Variants in ARHGAP11A observed in about 807,000 individuals in gnomAD.
ARHGAP11A encodes the protein Rho GTPase activating protein 11A.
ARHGAP11A carries 36 observed loss-of-function variants against 60.5 expected under a neutral mutation model. That is an observed-to-expected ratio of 0.59 (90% CI 0.46 to 0.79). The LOEUF (loss-of-function observed/expected upper bound fraction) is 0.79. Among genes scored for constraint, ARHGAP11A ranks in the 30% least tolerant of loss-of-function variants. The probability of loss-of-function intolerance (pLI) is 0.00; values close to 1 mark genes in which losing one functional copy is unlikely to be tolerated. For synonymous variants in ARHGAP11A, 362 were observed against 415.5 expected (o/e 0.87, Z 1.57); for missense variants, 1,071 against 1,199.2 (o/e 0.89, Z 1.58).
At chr15:32,626,405 C>T (rs1384009249) in intron 6 of ARHGAP11A, among the ~76,000 whole-genome samples, 1 of 152,154 alleles carries the variant, frequency 6.6e-6, no homozygotes, top group Non-Finnish European at 1.5e-5. Flanking sequence ...AACTTGCAAT[C>T]TCCTTGATCA....
At position 32,638,786 on chromosome 15, in the gene ARHGAP11A, T is replaced by G. The variant is rs878874589; in HGVS notation, c.*941T>G. The G allele has an allele frequency of 2.0e-5, 3 of 152,666 alleles. No homozygotes were observed. The South Asian group carries it at 6.2e-4, about 32-fold the overall frequency. The allele number at this position is 152,666 out of a possible 1,614,324, so 9.5% of individuals were successfully genotyped here. On this transcript the variant is annotated 3_prime_UTR_variant, in exon 12 of 12. Coordinates refer to ENST00000361627, the MANE Select transcript of ARHGAP11A (RefSeq NM_014783.6). ...ATAATTGATAACTTTTAAGCCATAC[T>G]ATGTTTTTAAAGATAATTTGCACAA...
At chr15:32,624,010 A>G (rs2053396587) in intron 3 of ARHGAP11A, among the ~76,000 whole-genome samples, 163 bp from the exon 4 acceptor site, 1 of 152,042 alleles carries the variant, frequency 6.6e-6, no homozygotes, top group Non-Finnish European at 1.5e-5. Context: ...TAAAAATAAA[A>G]ATAAATTCAA....
chr15:32,620,991 C>T (rs1161618752), intron 2 of ARHGAP11A, among the ~76,000 whole-genome samples: 3 of 152,008 alleles, frequency 2.0e-5, no homozygotes, highest in Non-Finnish European at 4.4e-5. Flanking sequence ...GATTGTTTGA[C>T]CCTAGGAGTT....
intron 6 of ARHGAP11A, among the ~76,000 whole-genome samples, chr15:32,626,583 ATGACT>A (rs2053462852): frequency 6.6e-6 from 1 of 152,100 alleles, no homozygotes; most frequent in South Asian, 2.1e-4. Context: ...GATAATACTG[ATGACT>A]TATGTATGAT....
At position 32,627,988 on chromosome 15, in the gene ARHGAP11A, T is replaced by G. The variant is rs200102773; in HGVS notation, c.863-740T>G. Among the ~76,000 whole-genome samples the G allele has an allele frequency of 1.9e-3, 283 of 149,224 alleles. 2 individuals carry two copies. The highest frequency in any genetic ancestry group is 6.0e-3 in the African/African-American group (244 of 40,542). ...CCACGCCTGGCTAATTTTTGTATATTTAGTAGAAAGGGGGTTTCACTGTGT... is the reference window on the plus strand; with the variant it reads ...CCACGCCTGGCTAATTTTTGTATATGTAGTAGAAAGGGGGTTTCACTGTGT... On this transcript the variant is annotated intron_variant, in intron 6 of 11. Transcript: ENST00000361627.
At chr15:32,619,565 T>C (rs2053245981) in intron 1 of ARHGAP11A, among the ~76,000 whole-genome samples, 1 of 150,616 alleles carries the variant, frequency 6.6e-6, no homozygotes, top group South Asian at 2.1e-4. Flanking sequence ...AAAAGCACTC[T>C]TCTATAGAAG....
Position 32,629,642 on chromosome 15 carries a change from A to G in ARHGAP11A, c.985A>G (p.Thr329Ala), listed in dbSNP as rs74011135. The G allele has an allele frequency of 1.1e-3, 1,818 of 1,613,562 alleles. 18 individuals are homozygous for G. In the African/African-American group the frequency reaches 0.022, roughly 19 times the overall value. Residue 329 changes from threonine (T) to alanine (A), a missense_variant, in exon 8 of 12, where the codon ACA becomes GCA. This residue lies in a region of ARHGAP11A where 196 missense variants were observed against 272.1 expected (regional missense o/e 0.72). Coordinates refer to ENST00000361627, the MANE Select transcript of ARHGAP11A (RefSeq NM_014783.6). The stretch of plus-strand genomic sequence containing the variant: ...GATTCTTACACCAAATGCTAAGCGT[A>G]CATTGCCAGTAGATTCTTCTCATGG... ...PVILTPNAKR[T>A]LPVDSSHGFS...
Position 32,620,177 on chromosome 15 carries a change from A to G in ARHGAP11A, c.199A>G (p.Ser67Gly), listed in dbSNP as rs1289695002. The change falls in exon 2 of 12, where the codon AGC becomes GGC. Residue 67 changes from serine to glycine, a missense_variant and splice_region_variant. By Grantham distance (56) the Ser-to-Gly change is moderately conservative. Transcript: ENST00000361627. ...SAVPEYGHIP[S>G]FLVDACTSLE... ...TGTACCAGAATATGGACACATTCCA[A>G]GGTAAGCAGAGTTTGAAATGAAGAA... The G allele has an allele frequency of 6.2e-7, 1 of 1,607,450 alleles. No homozygotes were observed. Among genetic ancestry groups the G allele is most frequent in the East Asian group, 2.2e-5 (1 of 44,844 alleles).
At position 32,635,810 on chromosome 15, in the gene ARHGAP11A, GT is replaced by G; in HGVS notation, c.1380del (p.Gly461ValfsTer10). 1.9e-6 allele frequency: 3 copies of G among 1,610,226 alleles called. No individual in the cohort carries two copies. Among genetic ancestry groups the G allele is most frequent in the Non-Finnish European group, 2.5e-6 (3 of 1,178,818 alleles). ...GCSGVNRYESVGWRLANQQSL... is the reference protein window; with the variant it reads ...GCSGVNRYESXGWRLANQQSL... The stretch of plus-strand genomic sequence containing the variant: ...TTCTGGTGTCAATAGATATGAAAGT[GT>G]TGGTTGGCGACTTGCAAATCAACAA... On this transcript the variant is annotated frameshift_variant, in exon 11 of 12. Coordinates refer to ENST00000361627, the MANE Select transcript of ARHGAP11A (RefSeq NM_014783.6). LOFTEE classifies it high-confidence loss of function.
At position 32,636,471 on chromosome 15, in the gene ARHGAP11A, C is replaced by G. The variant is rs993313474; in HGVS notation, c.1698C>G (p.Leu566=). Reference sequence around the variant, plus strand: ...AGTCACCTGCTACTTCATGTGAACTCACCCCTTCCAATTTAAACAATAAGC... The same window carrying G: ...AGTCACCTGCTACTTCATGTGAACTGACCCCTTCCAATTTAAACAATAAGC... ...VEKSPATSCE[L]TPSNLNNKHN... is the part of the protein sequence containing the mutation. Residue 566 remains leucine (L), a synonymous_variant, in exon 12 of 12, where the codon CTC becomes CTG. Coordinates refer to ENST00000361627, the MANE Select transcript of ARHGAP11A (RefSeq NM_014783.6). 2 of 1,613,870 alleles carry G rather than the reference C, an allele frequency of 1.2e-6. No individual in the cohort carries two copies. Among genetic ancestry groups the G allele is most frequent in the Non-Finnish European group, 8.5e-7 (1 of 1,179,902 alleles).
intron 2 of ARHGAP11A, among the ~76,000 whole-genome samples, chr15:32,620,512 T>C (rs1020604537): frequency 1.3e-5 from 2 of 151,650 alleles, no homozygotes; most frequent in African/African-American, 4.8e-5. Flanking sequence ...TAAAACATAA[T>C]TGTTTCAAAC....
chr15:32,622,279 G>A (rs948052735), intron 2 of ARHGAP11A, among the ~76,000 whole-genome samples: 21 of 152,364 alleles, frequency 1.4e-4, no homozygotes, highest in African/African-American at 3.1e-4. Context: ...TTAGCTGGGC[G>A]TAGTGATGTG....
intron 8 of ARHGAP11A, among the ~76,000 whole-genome samples, chr15:32,632,046 T>C (rs2053599498): frequency 6.6e-6 from 1 of 152,228 alleles, no homozygotes; most frequent in Non-Finnish European, 1.5e-5. Context: ...ATGTATAATA[T>C]TGGCTTCCAA....
rs563050838 is a variant in ARHGAP11A at position 32,638,231 on chromosome 15, G to T, written c.*386G>T. The stretch of plus-strand genomic sequence containing the variant: ...TGGGACTACAGGTGCCCGCCACCAC[G>T]CCCAGCTAATTTTTTGTATTTTTAG... On this transcript the variant is annotated 3_prime_UTR_variant, in exon 12 of 12. Transcript: ENST00000361627. 1 of 162,526 alleles carries T rather than the reference G, an allele frequency of 6.2e-6. No individual in the cohort carries two copies. Among genetic ancestry groups the T allele is most frequent in the Non-Finnish European group, 1.3e-5 (1 of 75,424 alleles). The allele number at this position is 162,526 out of a possible 1,614,324, so 10.1% of individuals were successfully genotyped here.
chr15:32,623,558 A>G lies in ARHGAP11A; in HGVS notation c.267A>G (p.Ser89=). The G allele has an allele frequency of 6.2e-7, 1 of 1,614,156 alleles. No individual in the cohort carries two copies. The highest frequency in any genetic ancestry group is 1.7e-4 in the Middle Eastern group (1 of 6,060). ...HIHTEGLFRK[S]GSVIRLKALK... is the part of the protein sequence containing the mutation. Reference sequence around the variant, plus strand: ...ATACCGAAGGGCTTTTTCGGAAATCAGGATCTGTGATTCGCCTAAAAGCAC... The same window carrying G: ...ATACCGAAGGGCTTTTTCGGAAATCGGGATCTGTGATTCGCCTAAAAGCAC... The change falls in exon 3 of 12, where the codon TCA becomes TCG. Residue 89 remains serine, a synonymous_variant. Transcript: ENST00000361627.
intron 2 of ARHGAP11A, among the ~76,000 whole-genome samples, chr15:32,621,183 C>CTTTTT (rs60915388): frequency 1.9e-4 from 12 of 64,252 alleles, no homozygotes; most frequent in East Asian, 5.2e-4. Context: ...ACCTTTTATT[C>CTTTTT]TTTTTTTTTT....
At position 32,637,281 on chromosome 15, in the gene ARHGAP11A, T is replaced by C. The variant is rs772942606; in HGVS notation, c.2508T>C (p.Thr836=). The C allele has an allele frequency of 6.2e-7, 1 of 1,614,234 alleles. No individual in the cohort carries two copies. Among genetic ancestry groups the C allele is most frequent in the South Asian group, 1.1e-5 (1 of 91,082 alleles). ...AGTCACCTCTTAAGTTTCAGCGTAC[T>C]CCTGTTCGTCAGTCCGTCAGAAGAA... ...KVKSPLKFQR[T]PVRQSVRRIN... The change falls in exon 12 of 12, where the codon ACT becomes ACC. Residue 836 remains threonine, a synonymous_variant. Transcript: ENST00000361627.
At chr15:32,625,033 G>A (rs2053425180) in intron 4 of ARHGAP11A, 47 bp from the exon 5 acceptor site, 1 of 1,593,928 alleles carries the variant, frequency 6.3e-7, no homozygotes, top group East Asian at 2.2e-5. Flanking sequence ...TAACTCTTCT[G>A]TATTTTCACG....
intron 8 of ARHGAP11A, among the ~76,000 whole-genome samples, chr15:32,631,790 C>T (rs1369203814): frequency 1.3e-5 from 2 of 152,038 alleles, no homozygotes; most frequent in Non-Finnish European, 1.5e-5. Flanking sequence ...ATTCTTGTGC[C>T]TCAGCCTCCT....
Sources: allele counts gnomAD v4.1 joint callset (sites outside exome capture counted in the v4.1 genomes callset), GRCh38; gene constraint gnomAD v4.1.1; regional missense constraint gnomAD v4.1.1; transcripts MANE v1.5; gene names NCBI Gene and HGNC (gene_info 2026-07-23, HGNC 2026-07-21).